EYS: variants seen among roughly 807,000 people sequenced by gnomAD.
EYS encodes the protein protein eyes shut homolog.
Under a neutral mutation model 282.1 loss-of-function variants are expected in EYS, and 250 were observed. The ratio of observed to expected loss-of-function variants is 0.89; its 90% CI spans 0.80 to 0.98. EYS has a LOEUF of 0.98. Ranked by LOEUF, EYS falls within the 50% of genes least tolerant of loss-of-function variation. The pLI, the probability that EYS is intolerant of heterozygous loss-of-function variation, is 0.00. For missense variants in EYS, 4,016 were observed against 3,709.0 expected (o/e 1.08, Z -2.15); for synonymous variants, 1,355 against 1,282.9 (o/e 1.06, Z -1.20).
intron 30 of EYS, among the ~76,000 whole-genome samples, chr6:64,283,401 A>T (rs1768379881): frequency 6.6e-6 from 1 of 152,308 alleles, no homozygotes; most frequent in East Asian, 1.9e-4. Flanking sequence ...CTATACTAAC[A>T]TATTAGCTCT....
At chr6:65,001,118 T>A (rs1286738507) in intron 13 of EYS, among the ~76,000 whole-genome samples, 1 of 119,160 alleles carries the variant, frequency 8.4e-6, no homozygotes, top group Non-Finnish European at 2.0e-5. Flanking sequence ...GCTCTCAGCC[T>A]TGCTGTCCGC....
At chr6:64,134,576 G>T (rs1774097347) in intron 31 of EYS, among the ~76,000 whole-genome samples, 1 of 152,022 alleles carries the variant, frequency 6.6e-6, no homozygotes, top group South Asian at 2.1e-4. Context: ...GAACCTGACA[G>T]GGAAGTATAA....
At chr6:64,798,616 T>G (rs530294896) in intron 22 of EYS, among the ~76,000 whole-genome samples, 8 of 149,068 alleles carry the variant, frequency 5.4e-5, no homozygotes, top group Non-Finnish European at 9.0e-5. Context: ...GGTTTTTTTT[T>G]TTTTTTTTTT....
At chr6:65,394,771 T>C (rs1252737877) in intron 7 of EYS, among the ~76,000 whole-genome samples, 4 of 152,176 alleles carry the variant, frequency 2.6e-5, no homozygotes, top group Non-Finnish European at 2.9e-5. Flanking sequence ...CATATTCTTC[T>C]TAGGAATCTC....
At chr6:64,003,415 CTTAA>C (rs1228027991) in intron 33 of EYS, among the ~76,000 whole-genome samples, 1 of 152,068 alleles carries the variant, frequency 6.6e-6, no homozygotes, top group African/African-American at 2.4e-5. Flanking sequence ...TCAATAACAA[CTTAA>C]TTGTATGCTT....
intron 26 of EYS, among the ~76,000 whole-genome samples, chr6:64,568,607 C>G (rs1765629485): frequency 6.6e-6 from 1 of 152,264 alleles, no homozygotes; most frequent in African/African-American, 2.4e-5. Context: ...AAGCGGATCT[C>G]CCAGCACAGC....
At chr6:64,704,992 A>T (rs1419480257) in intron 22 of EYS, among the ~76,000 whole-genome samples, 1 of 152,112 alleles carries the variant, frequency 6.6e-6, no homozygotes, top group African/African-American at 2.4e-5. Context: ...ATCAGAAAAG[A>T]TAAAAAAAAA....
intron 26 of EYS, among the ~76,000 whole-genome samples, chr6:64,471,655 C>T (rs1478791277): frequency 6.6e-6 from 1 of 152,112 alleles, no homozygotes; most frequent in African/African-American, 2.4e-5. Flanking sequence ...AATGAACACA[C>T]TTCTAAAAGC....
chr6:65,274,506 G>A (rs1053166935), intron 12 of EYS, among the ~76,000 whole-genome samples: 4 of 152,136 alleles, frequency 2.6e-5, no homozygotes, highest in African/African-American at 4.8e-5. Context: ...CTAGCAAACT[G>A]TTTTCTTCAT....
chr6:64,986,498 T>C (rs1770862921), intron 14 of EYS, among the ~76,000 whole-genome samples: 2 of 14,016 alleles, frequency 1.4e-4, no homozygotes, highest in African/African-American at 6.6e-4. Context: ...GGCAGTCCTA[T>C]GCAATTTTTT....
At chr6:64,678,756 G>A (rs1356820333) in intron 22 of EYS, among the ~76,000 whole-genome samples, 4 of 151,834 alleles carry the variant, frequency 2.6e-5, no homozygotes, top group South Asian at 2.1e-4. Context: ...AGGCCGAGGC[G>A]GGTGGATCAA....
intron 8 of EYS, among the ~76,000 whole-genome samples, chr6:65,354,532 T>A (rs751462057): frequency 3.3e-5 from 5 of 151,850 alleles, no homozygotes; most frequent in African/African-American, 7.2e-5. Context: ...AAAAAAAAAA[T>A]TGGCGAGGCG....
intron 2 of EYS, among the ~76,000 whole-genome samples, chr6:65,536,243 C>A (rs1317654295): frequency 6.6e-6 from 1 of 151,162 alleles, no homozygotes; most frequent in African/African-American, 2.4e-5. Context: ...AGCACCGAGA[C>A]CTGAGTTCTG....
At chr6:65,506,460 C>CT (rs58326040) in intron 2 of EYS, among the ~76,000 whole-genome samples, 40 of 64,888 alleles carry the variant, frequency 6.2e-4, no homozygotes, top group Non-Finnish European at 9.2e-4. Flanking sequence ...TCCTTCCTTT[C>CT]TTTTTTTTTT....
chr6:63,856,467 T>C (rs1285082249), intron 36 of EYS, among the ~76,000 whole-genome samples: 3 of 152,236 alleles, frequency 2.0e-5, no homozygotes, highest in Non-Finnish European at 4.4e-5. Flanking sequence ...TTTAGTGTTC[T>C]ACTGACAGTC....
intron 24 of EYS, among the ~76,000 whole-genome samples, chr6:64,612,549 T>G (rs928383163): frequency 1.3e-5 from 2 of 152,142 alleles, no homozygotes; most frequent in African/African-American, 4.8e-5. Flanking sequence ...GGAATCACTT[T>G]TGTAATTGGA....
At chr6:63,808,207 A>G (rs1180049393) in intron 36 of EYS, among the ~76,000 whole-genome samples, 1 of 152,216 alleles carries the variant, frequency 6.6e-6, no homozygotes, top group East Asian at 1.9e-4. Context: ...GCCTGGTATA[A>G]GAACTTTCAG....
chr6:64,703,391 AC>A (rs1770857946), intron 22 of EYS, among the ~76,000 whole-genome samples: 5 of 27,172 alleles, frequency 1.8e-4, no homozygotes, highest in African/African-American at 5.0e-4. Context: ...AGACACACAC[AC>A]ACACACACAC....
rs1187973861 is a variant in EYS at position 64,307,010 on chromosome 6, G to C, written c.6151C>G (p.Pro2051Ala). The change falls in exon 30 of 43, where the codon CCA becomes GCA. Residue 2051 changes from proline (P) to alanine (A), a missense_variant. Pro to Ala is a conservative substitution (Grantham distance 27). Transcript: ENST00000503581. ...TGATAGTTTTTCACTGCCTTGGATG[G>C]AATGAAAGATCTCCAGTTATTTATT... ...IEINNWRSFI[P>A]SKAVKNYHIN... 1.4e-5 allele frequency: 22 copies of C among 1,544,140 alleles called. No homozygotes were observed. The highest frequency in any genetic ancestry group is 1.9e-5 in the Non-Finnish European group (22 of 1,141,216).
Sources: gnomAD v4.1 joint callset for allele counts (sites outside exome capture counted in the v4.1 genomes callset) on GRCh38, gnomAD v4.1.1 for gene constraint, MANE v1.5 for transcripts, NCBI Gene and HGNC (gene_info 2026-07-23, HGNC 2026-07-21) for gene names.